CCDC91: variants seen among roughly 807,000 people sequenced by gnomAD.
The protein encoded by CCDC91 is coiled-coil domain containing 91.
A neutral mutation model predicts 63.2 loss-of-function variants in CCDC91; 48 were observed. That is an observed-to-expected ratio of 0.76 (90% CI 0.60 to 0.97). The LOEUF (loss-of-function observed/expected upper bound fraction) is 0.97, where lower values mean the gene tolerates loss of function less well. CCDC91 is among the 50% of genes least tolerant of loss of function. The probability of loss-of-function intolerance (pLI) is 0.00; values close to 1 mark genes in which losing one functional copy is unlikely to be tolerated. For missense variants in CCDC91, 500 were observed against 494.6 expected (o/e 1.01, Z -0.10); for synonymous variants, 167 against 165.8 (o/e 1.01, Z -0.06).
chr12:28,441,463 A>G (rs1428724076), intron 8 of CCDC91, among the ~76,000 whole-genome samples: 1 of 152,094 alleles, frequency 6.6e-6, no homozygotes, highest in African/African-American at 2.4e-5. Flanking sequence ...CTTCAGGAGA[A>G]TGGGTAAACA....
At chr12:28,466,068 A>AGC (rs1950535361) in intron 11 of CCDC91, among the ~76,000 whole-genome samples, 1 of 151,984 alleles carries the variant, frequency 6.6e-6, no homozygotes, top group Non-Finnish European at 1.5e-5. Context: ...AGAACTGACA[A>AGC]AGAAAAAAAG....
chr12:28,231,963 C>G lies in CCDC91; in HGVS notation c.-14-25239C>G, dbSNP rs550850946. Reference sequence around the variant, plus strand: ...AGCAGAATTTAGATTGTGATATTTTCTGTCGCTTCATAATTCTAATTTTAG... The same window carrying G: ...AGCAGAATTTAGATTGTGATATTTTGTGTCGCTTCATAATTCTAATTTTAG... On this transcript the variant is annotated intron_variant, in intron 1 of 12. Coordinates refer to ENST00000536442, the MANE Select transcript of CCDC91 (RefSeq NM_018318.5). Among the ~76,000 whole-genome samples, 5 of 152,234 alleles carry G rather than the reference C, an allele frequency of 3.3e-5. No individual in the cohort carries two copies. In the South Asian group the frequency reaches 1.0e-3, roughly 32 times the overall value.
intron 3 of CCDC91, among the ~76,000 whole-genome samples, chr12:28,293,820 C>T (rs1949392027): frequency 6.6e-6 from 1 of 151,982 alleles, no homozygotes; most frequent in South Asian, 2.1e-4. Context: ...CTGCGAACTC[C>T]TGGGTTCAAA....
intron 12 of CCDC91, among the ~76,000 whole-genome samples, chr12:28,530,984 C>T (rs1289835987): frequency 3.3e-5 from 5 of 152,076 alleles, no homozygotes; most frequent in South Asian, 2.1e-4. Context: ...AGCAAAAAGT[C>T]CCTTACCTCC....
chr12:28,508,912 A>T (rs2141252334), intron 12 of CCDC91, among the ~76,000 whole-genome samples: 1 of 152,092 alleles, frequency 6.6e-6, no homozygotes, highest in Admixed American at 6.6e-5. Context: ...TATACAGTGT[A>T]TTCTGTGACC....
Position 28,451,966 on chromosome 12 carries a change from CTTCTG to C in CCDC91, c.925-509_925-505del, listed in dbSNP as rs528381904. On this transcript the variant is annotated intron_variant, in intron 10 of 12. Transcript: ENST00000536442. ...AAGAAATAAGAATTAATTTAGCTGT[CTTCTG>C]TTAAGTCAGATATTAAAGAGATTTA... Among the ~76,000 whole-genome samples the C allele has an allele frequency of 1.7e-3, 257 of 151,714 alleles. 2 individuals carry two copies. The highest frequency in any genetic ancestry group is 6.0e-3 in the African/African-American group (250 of 41,516).
intron 2 of CCDC91, 30 bp from the exon 3 acceptor site, chr12:28,259,331 ATCT>A: frequency 3.9e-6 from 6 of 1,533,162 alleles, no homozygotes; most frequent in Non-Finnish European, 5.4e-6. Flanking sequence ...TGCTTTTCAC[ATCT>A]TCTAAAATAA....
intron 8 of CCDC91, among the ~76,000 whole-genome samples, chr12:28,394,976 T>C (rs1420721861): frequency 1.3e-5 from 2 of 152,184 alleles, no homozygotes; most frequent in Non-Finnish European, 2.9e-5. Context: ...GCTTGACATA[T>C]TCTGGGTGTT....
intron 1 of CCDC91, among the ~76,000 whole-genome samples, chr12:28,195,050 C>T (rs776203493): frequency 5.3e-5 from 8 of 152,166 alleles, no homozygotes; most frequent in South Asian, 2.1e-4. Context: ...GCTGCTGGCT[C>T]GGGTGGCCTG....
At chr12:28,308,601 A>G (rs1379052955) in intron 6 of CCDC91, among the ~76,000 whole-genome samples, 1 of 150,984 alleles carries the variant, frequency 6.6e-6, no homozygotes, top group African/African-American at 2.4e-5. Flanking sequence ...TTCCTCAGTC[A>G]TTTTTCTTTT....
chr12:28,217,389 G>A (rs1487379614), intron 1 of CCDC91, among the ~76,000 whole-genome samples: 2 of 152,032 alleles, frequency 1.3e-5, no homozygotes, highest in Non-Finnish European at 2.9e-5. Flanking sequence ...AAAATTTTAG[G>A]AAATTTTCCG....
intron 11 of CCDC91, among the ~76,000 whole-genome samples, chr12:28,476,669 A>G (rs560572945): frequency 4.6e-5 from 7 of 152,230 alleles, no homozygotes; most frequent in South Asian, 4.1e-4. Flanking sequence ...CAAAAAATCA[A>G]TGCATCCAGG....
At chr12:28,505,326 A>G (rs1346389651) in intron 12 of CCDC91, 1 of 151,842 alleles carries the variant, frequency 6.6e-6, no homozygotes, top group Non-Finnish European at 1.5e-5. Context: ...GAGAGGCATA[A>G]TATTCCATGT....
chr12:28,388,633 A>G (rs565897714), intron 7 of CCDC91, among the ~76,000 whole-genome samples: 2 of 152,348 alleles, frequency 1.3e-5, no homozygotes, highest in African/African-American at 2.4e-5. Context: ...AATACATCCC[A>G]TGCTCGTGGA....
intron 3 of CCDC91, among the ~76,000 whole-genome samples, chr12:28,300,186 A>G (rs1937902486): frequency 1.3e-5 from 2 of 151,554 alleles, no homozygotes. Context: ...CCTAGGGTAT[A>G]TGATCTCATT....
At chr12:28,254,792 A>G (rs930049383) in intron 1 of CCDC91, among the ~76,000 whole-genome samples, 14 of 85,524 alleles carry the variant, frequency 1.6e-4, no homozygotes, top group Non-Finnish European at 1.2e-4. Context: ...TTTTTTTTTG[A>G]TGGAGTTTCA....
At chr12:28,281,400 G>C (rs773790939) in intron 3 of CCDC91, among the ~76,000 whole-genome samples, 40 of 152,258 alleles carry the variant, frequency 2.6e-4, no homozygotes, top group Non-Finnish European at 4.9e-4. Context: ...TCCACACACA[G>C]AATTTCTCCT....
chr12:28,461,146 A>G (rs1440600314), intron 11 of CCDC91, among the ~76,000 whole-genome samples: 1 of 152,084 alleles, frequency 6.6e-6, no homozygotes. Flanking sequence ...ACCTGTTATA[A>G]TCTTAAGAGA....
chr12:28,203,710 G>A (rs1461471934), intron 1 of CCDC91, among the ~76,000 whole-genome samples: 1 of 152,130 alleles, frequency 6.6e-6, no homozygotes, highest in South Asian at 2.1e-4. Context: ...ATCTGATAAG[G>A]TAGAACGTAA....
Sources: allele counts gnomAD v4.1 joint callset (sites outside exome capture counted in the v4.1 genomes callset), GRCh38; gene constraint gnomAD v4.1.1; transcripts MANE v1.5; gene names NCBI Gene and HGNC (gene_info 2026-07-23, HGNC 2026-07-21).